PI15: variants seen among roughly 807,000 people sequenced by gnomAD.
The protein encoded by PI15 is peptidase inhibitor 15.
In PI15, 18 loss-of-function variants were observed where a neutral mutation model predicts 31.0. The ratio of observed to expected loss-of-function variants is 0.58; its 90% CI spans 0.40 to 0.86. The LOEUF (loss-of-function observed/expected upper bound fraction) is 0.86, where lower values mean the gene tolerates loss of function less well. Among genes scored for constraint, PI15 ranks in the 40% least tolerant of loss-of-function variants. PI15 has a pLI of 0.00. For synonymous variants in PI15, 118 were observed against 119.1 expected, an observed-to-expected ratio of 0.99 and a Z score of 0.06; for missense variants, 282 against 328.1, an observed-to-expected ratio of 0.86 and a Z score of 1.09.
At chr8:74,825,110 A>G in intron 1 of PI15, 100 bp from the exon 2 acceptor site, 1 of 730,466 alleles carries the variant, frequency 1.4e-6, no homozygotes, top group South Asian at 1.7e-5. Context: ...TTTTGAAGAA[A>G]GTCAAATCAA....
Position 74,850,233 on chromosome 8 carries a change from G to A in PI15, c.*980G>A, listed in dbSNP as rs1264309649. ...CAGTGCTTGGAATGAGAAGGGGAAG[G>A]AAAGAATTAACAAATGCCAAGATTT... On this transcript the variant is annotated 3_prime_UTR_variant, in exon 6 of 6. Transcript: ENST00000260113. 6.6e-6 allele frequency: 1 copy of A among 152,164 alleles called. No individual in the cohort carries two copies. The highest frequency in any genetic ancestry group is 2.4e-5 in the African/African-American group (1 of 41,450). The allele number at this position is 152,164 out of a possible 1,614,324, so 9.4% of individuals were successfully genotyped here.
chr8:74,826,305 G>A (rs1291835226), intron 2 of PI15: 12 of 980,402 alleles, frequency 1.2e-5, no homozygotes, highest in Non-Finnish European at 1.3e-5. Context: ...CAAGAGCACA[G>A]CTTGGAGCCT....
Position 74,845,258 on chromosome 8 carries a change from C to T in PI15, c.523C>T (p.Gln175Ter). The T allele has an allele frequency of 3.1e-6, 5 of 1,612,956 alleles. No individual in the cohort carries two copies. In the South Asian group the frequency reaches 4.4e-5, roughly 14 times the overall value. The change falls in exon 4 of 6, where the codon CAG becomes TAG. Residue 175 changes from glutamine to a stop codon, truncating the protein, a stop_gained and splice_region_variant. Coordinates refer to ENST00000260113, the MANE Select transcript of PI15 (RefSeq NM_015886.5). LOFTEE classifies it high-confidence loss of function. ...TGGTCCCATGTGCACACATTATACG[C>T]AGGTTATTTCAATTACCTTGTTAAT... ...CFGPMCTHYT[Q>*]MVWATSNRIG...
chr8:74,845,015 T>C, intron 3 of PI15, 113 bp from the exon 4 acceptor site: 1 of 895,924 alleles, frequency 1.1e-6, no homozygotes, highest in Non-Finnish European at 1.8e-6. Flanking sequence ...GTGGATGTGC[T>C]CTTGGATCAT....
intron 2 of PI15, among the ~76,000 whole-genome samples, chr8:74,842,902 C>T (rs1333725211): frequency 6.6e-6 from 1 of 152,082 alleles, no homozygotes; most frequent in Non-Finnish European, 1.5e-5. Flanking sequence ...GTTTTTATAA[C>T]ACTATGTAGC....
intron 2 of PI15, chr8:74,826,322 G>A (rs1490712688): frequency 1.0e-5 from 10 of 971,702 alleles, no homozygotes; most frequent in African/African-American, 8.8e-5. Context: ...GCCTGTTTAA[G>A]GCAATGAAGA....
intron 5 of PI15, among the ~76,000 whole-genome samples, chr8:74,848,728 T>TAG (rs1449896139): frequency 3.0e-3 from 419 of 141,874 alleles, no homozygotes; most frequent in African/African-American, 7.8e-3. Flanking sequence ...TATATATATA[T>TAG]ATATAGAGAG....
Position 74,853,383 on chromosome 8 carries a change from AAATT to A in PI15, c.*4134_*4137del, listed in dbSNP as rs756493306. 7.3e-4 allele frequency: 112 copies of A among 152,680 alleles called. No individual in the cohort carries two copies. Among genetic ancestry groups the A allele is most frequent in the African/African-American group, 1.5e-3 (61 of 41,560 alleles). 9.5% of individuals were successfully genotyped at this position (152,680 alleles called of 1,614,324 possible). The stretch of plus-strand genomic sequence containing the variant: ...AGAAATATCAATAAAATCCTATGTT[AAATT>A]AATCTTTACCAAAAACAGGCAAGTT... On this transcript the variant is annotated 3_prime_UTR_variant, in exon 6 of 6. Transcript: ENST00000260113.
intron 2 of PI15, 61 bp downstream of exon 2, chr8:74,825,583 C>T (rs1991860): frequency 0.41 from 547,421 of 1,349,742 alleles, 117,256 homozygotes; most frequent in African/African-American, 0.64. Flanking sequence ...TATTGTACAT[C>T]TGCAGAATCT....
chr8:74,828,311 A>G (rs1810728874), intron 2 of PI15, among the ~76,000 whole-genome samples: 1 of 152,108 alleles, frequency 6.6e-6, no homozygotes, highest in Non-Finnish European at 1.5e-5. Flanking sequence ...AGTCTAGACA[A>G]AGGTCTGGAG....
chr8:74,843,434 A>C lies in PI15; in HGVS notation c.274-547A>C, dbSNP rs566569004. 9.0e-4 allele frequency among the ~76,000 whole-genome samples: 137 copies of C among 152,348 alleles called. 1 individual carries two copies. Among genetic ancestry groups the C allele is most frequent in the African/African-American group, 2.9e-3 (121 of 41,586 alleles). ...AGCAGTCTCAGGAACCAGAATTAAA[A>C]GAATTTTAGGAGGTCTGGAGTGGTG... is the stretch of plus-strand genomic sequence containing the variant. On this transcript the variant is annotated intron_variant, in intron 2 of 5. Coordinates refer to ENST00000260113, the MANE Select transcript of PI15 (RefSeq NM_015886.5).
intron 2 of PI15, among the ~76,000 whole-genome samples, chr8:74,831,728 AG>A (rs1427676833): frequency 2.0e-5 from 3 of 152,126 alleles, no homozygotes; most frequent in Non-Finnish European, 4.4e-5. Context: ...GGGGGTAAGA[AG>A]GTAGGGAAGG....
chr8:74,850,798 A>G lies in PI15; in HGVS notation c.*1545A>G, dbSNP rs1811094333. 6.6e-6 allele frequency: 1 copy of G among 152,202 alleles called. No homozygotes were observed. Among genetic ancestry groups the G allele is most frequent in the Admixed American group, 6.5e-5 (1 of 15,278 alleles). 9.4% of individuals were successfully genotyped at this position (152,202 alleles called of 1,614,324 possible). A position where few individuals can be genotyped will look rare whatever the true frequency, so the allele number is the denominator to read the frequency against. On this transcript the variant is annotated 3_prime_UTR_variant, in exon 6 of 6. Transcript: ENST00000260113. ...AAATCTCTTTCAGAGAGGAGAATAC[A>G]ACATCTTAGTCCAGACATTTAACAT... is the stretch of plus-strand genomic sequence containing the variant.
At chr8:74,838,191 T>A (rs916840531) in intron 2 of PI15, among the ~76,000 whole-genome samples, 1 of 152,052 alleles carries the variant, frequency 6.6e-6, no homozygotes, top group African/African-American at 2.4e-5. Flanking sequence ...TCATTTCACC[T>A]AAATTTTGCA....
intron 2 of PI15, among the ~76,000 whole-genome samples, chr8:74,828,250 T>C (rs1021816605): frequency 3.3e-5 from 5 of 152,076 alleles, no homozygotes; most frequent in Non-Finnish European, 5.9e-5. Flanking sequence ...TGAAAGAGCC[T>C]GGAGGCAGGC....
Position 74,855,022 on chromosome 8 carries a change from A to G in PI15, c.*5769A>G, listed in dbSNP as rs1811161347. 8.2e-6 allele frequency: 1 copy of G among 121,336 alleles called. No homozygotes were observed. The highest frequency in any genetic ancestry group is 3.5e-5 in the African/African-American group (1 of 28,312). The allele number at this position is 121,336 out of a possible 1,614,324, so 7.5% of individuals were successfully genotyped here. A position where few individuals can be genotyped will look rare whatever the true frequency, so the allele number is the denominator to read the frequency against. On this transcript the variant is annotated 3_prime_UTR_variant, in exon 6 of 6. Coordinates refer to ENST00000260113, the MANE Select transcript of PI15 (RefSeq NM_015886.5). ...TTGTTTTTTCTTTCAATAAAAGAGT[A>G]TAATTAATTGGTTGTTTTTGAAGTA... is the stretch of plus-strand genomic sequence containing the variant.
intron 2 of PI15, among the ~76,000 whole-genome samples, chr8:74,838,881 A>G (rs1301381452): frequency 6.6e-6 from 1 of 152,162 alleles, no homozygotes; most frequent in Non-Finnish European, 1.5e-5. Context: ...CAACATCTTC[A>G]GATGTCAGTG....
chr8:74,843,733 G>C (rs1586957488), intron 2 of PI15, among the ~76,000 whole-genome samples: 4 of 152,050 alleles, frequency 2.6e-5, no homozygotes, highest in Admixed American at 2.6e-4. Context: ...GCATGGTGAT[G>C]TGCGCCTGTA....
intron 2 of PI15, among the ~76,000 whole-genome samples, chr8:74,830,116 G>T (rs1034433625): frequency 2.6e-5 from 4 of 152,030 alleles, no homozygotes; most frequent in Non-Finnish European, 5.9e-5. Flanking sequence ...CAATCCTTCA[G>T]GCAAAGATAA....
Sources: gnomAD v4.1 joint callset for allele counts (sites outside exome capture counted in the v4.1 genomes callset) on GRCh38, gnomAD v4.1.1 for gene constraint, MANE v1.5 for transcripts, NCBI Gene and HGNC (gene_info 2026-07-23, HGNC 2026-07-21) for gene names.